Variants in N4BP2L2 observed in about 807,000 individuals in gnomAD.
The protein encoded by N4BP2L2 is NEDD4-binding protein 2-like 2.
Under a neutral mutation model 56.2 loss-of-function variants are expected in N4BP2L2, and 50 were observed. The ratio of observed to expected loss-of-function variants is 0.89; its 90% CI spans 0.71 to 1.13. N4BP2L2 has a LOEUF of 1.13. N4BP2L2 is among the 50% of genes most tolerant of loss of function. The pLI is 0.00. For synonymous variants in N4BP2L2, 203 were observed against 223.6 expected, an observed-to-expected ratio of 0.91 and a Z score of 0.82; for missense variants, 689 against 693.8, an observed-to-expected ratio of 0.99 and a Z score of 0.08.
At chr13:32,515,991 GCCTCCC>G (rs2139877693) in exon 6 of N4BP2L2, 1 of 152,328 alleles carries the variant, frequency 6.6e-6, no homozygotes, top group East Asian at 1.9e-4. Flanking sequence ...GCCCACCTCG[GCCTCCC>G]AAAGTGCTGG....
intron 5 of N4BP2L2, among the ~76,000 whole-genome samples, chr13:32,519,657 T>A (rs576553249): frequency 6.6e-6 from 1 of 151,322 alleles, no homozygotes; most frequent in South Asian, 2.1e-4. Flanking sequence ...CTGAAAAAAA[T>A]AAAAATAAAA....
At position 32,442,975 on chromosome 13, in the gene N4BP2L2, T is replaced by A. The variant is rs201002215; in HGVS notation, c.1517A>T (p.Asn506Ile). 1.3e-4 allele frequency: 205 copies of A among 1,613,688 alleles called. No homozygotes were observed. Among genetic ancestry groups the A allele is most frequent in the Non-Finnish European group, 1.6e-4 (191 of 1,179,856 alleles). ...TCCCAAAGTAATTTTTAGTCCATGG[T>A]TTTTTGTTAACAGGTCACATTTCTC... The change falls in exon 7 of 10, where the codon AAC (asparagine) becomes ATC (isoleucine). Residue 506 changes from asparagine to isoleucine, a missense_variant. Coordinates refer to the N4BP2L2 transcript ENST00000357505.
At chr13:32,440,472 CA>C (rs1189359985) in intron 7 of N4BP2L2, among the ~76,000 whole-genome samples, 2 of 152,054 alleles carry the variant, frequency 1.3e-5, no homozygotes, top group Non-Finnish European at 2.9e-5. Flanking sequence ...TGATTTAAGA[CA>C]AAATTTTTTT....
chr13:32,527,969 A>G (rs946187149), intron 2 of N4BP2L2, among the ~76,000 whole-genome samples: 3 of 151,994 alleles, frequency 2.0e-5, no homozygotes, highest in Non-Finnish European at 4.4e-5. Context: ...ACAGGGTTTC[A>G]CCATGTTGGT....
chr13:32,505,047 C>A (rs1249131687), intron 6 of N4BP2L2: 1 of 152,284 alleles, frequency 6.6e-6, no homozygotes, highest in African/African-American at 2.4e-5. Context: ...AGTGTGGTAG[C>A]CCACCTCCCT....
intron 6 of N4BP2L2, among the ~76,000 whole-genome samples, chr13:32,474,295 T>A (rs1474563798): frequency 1.3e-5 from 2 of 151,902 alleles, no homozygotes; most frequent in African/African-American, 2.4e-5. Context: ...TTATATATAT[T>A]AACTTCTCTT....
At chr13:32,452,384 A>G (rs2078244331) in intron 6 of N4BP2L2, among the ~76,000 whole-genome samples, 3 of 152,170 alleles carry the variant, frequency 2.0e-5, no homozygotes, top group African/African-American at 4.8e-5. Flanking sequence ...TTTTTTCAAA[A>G]TGCTAACATA....
At chr13:32,441,870 C>T (rs757761488) in intron 7 of N4BP2L2, among the ~76,000 whole-genome samples, 3 of 148,162 alleles carry the variant, frequency 2.0e-5, no homozygotes, top group Admixed American at 6.7e-5. Context: ...GGTGAAACCT[C>T]GTCTCTACTA....
intron 6 of N4BP2L2, among the ~76,000 whole-genome samples, chr13:32,483,220 C>T (rs1458145761): frequency 6.6e-6 from 1 of 152,110 alleles, no homozygotes; most frequent in Non-Finnish European, 1.5e-5. Context: ...TCAACTGAAG[C>T]AAGTACTGTG....
chr13:32,441,602 T>C (rs535299986), intron 7 of N4BP2L2, among the ~76,000 whole-genome samples: 7 of 151,710 alleles, frequency 4.6e-5, no homozygotes, highest in Non-Finnish European at 1.0e-4. Flanking sequence ...GAGAATTGCT[T>C]GAACCCGGGA....
intron 6 of N4BP2L2, among the ~76,000 whole-genome samples, chr13:32,490,839 T>A (rs1026080249): frequency 2.6e-5 from 4 of 152,112 alleles, no homozygotes; most frequent in African/African-American, 9.7e-5. Context: ...CAGGTAGTAA[T>A]GCTCACTTGC....
At chr13:32,459,703 C>T (rs767907224) in intron 6 of N4BP2L2, among the ~76,000 whole-genome samples, 15 of 152,022 alleles carry the variant, frequency 9.9e-5, no homozygotes, top group African/African-American at 1.7e-4. Flanking sequence ...AAACTTATAA[C>T]GAACATCCTA....
chr13:32,468,644 A>G (rs1396657557), intron 6 of N4BP2L2, among the ~76,000 whole-genome samples: 2 of 152,236 alleles, frequency 1.3e-5, no homozygotes, highest in Non-Finnish European at 2.9e-5. Flanking sequence ...CAAGTTGGAC[A>G]TCTGGGACAG....
At chr13:32,526,688 G>C (rs2052906033) in intron 3 of N4BP2L2, among the ~76,000 whole-genome samples, 1 of 151,838 alleles carries the variant, frequency 6.6e-6, no homozygotes, top group Non-Finnish European at 1.5e-5. Flanking sequence ...CAGATCAACA[G>C]TTTTCAATTC....
At chr13:32,450,546 G>A (rs971072640) in intron 6 of N4BP2L2, among the ~76,000 whole-genome samples, 4 of 151,942 alleles carry the variant, frequency 2.6e-5, no homozygotes, top group Admixed American at 2.6e-4. Flanking sequence ...GGACGGTCTC[G>A]ATCTCATGAC....
chr13:32,470,938 TG>T (rs2082176781), intron 6 of N4BP2L2, among the ~76,000 whole-genome samples: 2 of 152,340 alleles, frequency 1.3e-5, no homozygotes, highest in African/African-American at 2.4e-5. Context: ...TAGGTCTAGC[TG>T]GGGTGCTACT....
At chr13:32,478,030 C>G (rs2083713075) in intron 6 of N4BP2L2, 1 of 1,289,254 alleles carries the variant, frequency 7.8e-7, no homozygotes, top group South Asian at 1.2e-5. Flanking sequence ...GAACCTCATC[C>G]CCATTAGTCT....
chr13:32,492,301 GAC>G (rs1421631540), intron 6 of N4BP2L2, among the ~76,000 whole-genome samples: 6 of 5,716 alleles, frequency 1.0e-3, no homozygotes, highest in African/African-American at 3.1e-3. Flanking sequence ...TTTTTTTTTT[GAC>G]ACAGAGTCTC....
At chr13:32,526,109 A>C (rs2052680196) in intron 3 of N4BP2L2, among the ~76,000 whole-genome samples, 2 of 152,106 alleles carry the variant, frequency 1.3e-5, no homozygotes. Flanking sequence ...AACAAAGAAG[A>C]GGAGCAAGTT....
Sources: allele counts gnomAD v4.1 joint callset (sites outside exome capture counted in the v4.1 genomes callset), GRCh38; gene constraint gnomAD v4.1.1; transcripts MANE v1.5; gene names NCBI Gene and HGNC (gene_info 2026-07-23, HGNC 2026-07-21).